Variants in LIN28B observed in about 807,000 individuals in gnomAD.
The protein encoded by LIN28B is lin-28 RNA binding posttranscriptional regulator B.
A neutral mutation model predicts 21.9 loss-of-function variants in LIN28B; 5 were observed. The observed-to-expected ratio is 0.23, with a 90% confidence interval of 0.12 to 0.48. The LOEUF is 0.48. Ranked by LOEUF, LIN28B falls within the 20% of genes least tolerant of loss-of-function variation. The pLI, the probability that LIN28B is intolerant of heterozygous loss-of-function variation, is 0.98. For missense variants in LIN28B, 245 were observed against 310.5 expected, an observed-to-expected ratio of 0.79 and a Z score of 1.58; for synonymous variants, 109 against 111.3, an observed-to-expected ratio of 0.98 and a Z score of 0.13.
upstream of LIN28B, among the ~76,000 whole-genome samples, chr6:104,956,179 T>G (rs909311660): frequency 1.4e-4 from 22 of 152,040 alleles, no homozygotes; most frequent in Non-Finnish European, 2.6e-4. Context: ...ACCTCTTTCT[T>G]TGACTCTGCT....
intron 2 of LIN28B, among the ~76,000 whole-genome samples, chr6:104,977,207 G>T (rs1460879908): frequency 6.6e-6 from 1 of 151,900 alleles, no homozygotes; most frequent in East Asian, 1.9e-4. Flanking sequence ...TAAATTGTTT[G>T]CTTTGTCAAA....
At chr6:105,066,709 C>G (rs532323016) in intron 3 of LIN28B, among the ~76,000 whole-genome samples, 1 of 152,058 alleles carries the variant, frequency 6.6e-6, no homozygotes, top group South Asian at 2.1e-4. Flanking sequence ...ATCTACTTCT[C>G]TAGATAACAA....
chr6:104,995,637 T>C (rs1770582746), intron 2 of LIN28B, among the ~76,000 whole-genome samples: 1 of 152,062 alleles, frequency 6.6e-6, no homozygotes, highest in East Asian at 1.9e-4. Context: ...TACCAGTAAA[T>C]AAGAGGGATT....
At chr6:105,019,606 C>T (rs1001525454) in intron 2 of LIN28B, among the ~76,000 whole-genome samples, 3 of 152,202 alleles carry the variant, frequency 2.0e-5, no homozygotes, top group Admixed American at 6.5e-5. Context: ...TCTTACCCTT[C>T]ATCATACATG....
intron 2 of LIN28B, among the ~76,000 whole-genome samples, chr6:104,985,122 G>A (rs1169812680): frequency 6.6e-6 from 1 of 152,214 alleles, no homozygotes; most frequent in Non-Finnish European, 1.5e-5. Context: ...AACTGTAGGG[G>A]AGGGAACAAA....
At chr6:104,982,866 A>G (rs1172354403) in intron 2 of LIN28B, among the ~76,000 whole-genome samples, 1 of 152,218 alleles carries the variant, frequency 6.6e-6, no homozygotes, top group Non-Finnish European at 1.5e-5. Flanking sequence ...TGTTGTGATC[A>G]TAGCTTGCTG....
intron 2 of LIN28B, among the ~76,000 whole-genome samples, chr6:105,010,906 TC>T (rs1172703182): frequency 1.3e-5 from 2 of 152,192 alleles, no homozygotes; most frequent in African/African-American, 2.4e-5. Flanking sequence ...TTCATTTTTT[TC>T]CTACTATAAG....
At chr6:104,983,263 T>C (rs1770263562) in intron 2 of LIN28B, among the ~76,000 whole-genome samples, 1 of 152,178 alleles carries the variant, frequency 6.6e-6, no homozygotes, top group Admixed American at 6.5e-5. Flanking sequence ...CTGGGTATCT[T>C]AAAAGGAGAG....
In LIN28B at chr6:104,982,698, G is replaced by T. The variant is rs545191041; in HGVS notation, c.198+24412G>T. On this transcript the variant is annotated intron_variant, in intron 2 of 3. Coordinates refer to ENST00000345080, the MANE Select transcript of LIN28B (RefSeq NM_001004317.4). ...AAGTACTGGGAAATTATTGGCTGAC[G>T]GTAATCTGTATATTAATCAATATTA... Among the ~76,000 whole-genome samples the T allele has an allele frequency of 3.3e-5, 5 of 152,082 alleles. No homozygotes were observed. The South Asian group carries it at 1.0e-3, about 32-fold the overall frequency.
intron 3 of LIN28B, among the ~76,000 whole-genome samples, chr6:105,068,584 A>G (rs1195574647): frequency 6.6e-6 from 1 of 152,166 alleles, no homozygotes; most frequent in Non-Finnish European, 1.5e-5. Flanking sequence ...GTTACGCTGA[A>G]TAGTACTGGA....
chr6:104,942,135 T>C (rs1488428630), intron 2 of LIN28B, among the ~76,000 whole-genome samples: 1 of 152,180 alleles, frequency 6.6e-6, no homozygotes, highest in Non-Finnish European at 1.5e-5. Context: ...ATACCTATTA[T>C]TGTTAATGCA....
intron 3 of LIN28B, among the ~76,000 whole-genome samples, chr6:105,062,855 A>T (rs1033028597): frequency 6.6e-6 from 1 of 152,020 alleles, no homozygotes; most frequent in Non-Finnish European, 1.5e-5. Flanking sequence ...CATTGATTAG[A>T]ATGATCAATT....
chr6:104,980,731 C>T (rs1770201257), intron 2 of LIN28B, among the ~76,000 whole-genome samples: 1 of 152,102 alleles, frequency 6.6e-6, no homozygotes, highest in Non-Finnish European at 1.5e-5. Flanking sequence ...GGTGGTCACT[C>T]ATGTATCTTC....
intron 3 of LIN28B, among the ~76,000 whole-genome samples, chr6:105,040,732 AG>A (rs1317461328): frequency 6.6e-6 from 1 of 152,090 alleles, no homozygotes; most frequent in Non-Finnish European, 1.5e-5. Context: ...AAAATTGTCC[AG>A]AGCTTTCTCA....
intron 3 of LIN28B, among the ~76,000 whole-genome samples, chr6:105,059,870 T>G (rs1246440413): frequency 6.6e-6 from 1 of 152,096 alleles, no homozygotes; most frequent in Non-Finnish European, 1.5e-5. Flanking sequence ...TCTTACAATA[T>G]TTTCCCTTTT....
intron 2 of LIN28B, among the ~76,000 whole-genome samples, chr6:105,022,698 C>T (rs956832289): frequency 6.6e-6 from 1 of 151,978 alleles, no homozygotes; most frequent in African/African-American, 2.4e-5. Flanking sequence ...TTATGGCTGG[C>T]TTTGGGGAAA....
intron 2 of LIN28B, among the ~76,000 whole-genome samples, chr6:105,012,450 CAG>C (rs1770944256): frequency 6.6e-6 from 1 of 151,202 alleles, no homozygotes; most frequent in Non-Finnish European, 1.5e-5. Flanking sequence ...GCTTGGGTGA[CAG>C]AGCAAGACTC....
intron 3 of LIN28B, among the ~76,000 whole-genome samples, chr6:105,030,047 T>C (rs1771387635): frequency 6.6e-6 from 1 of 152,220 alleles, no homozygotes; most frequent in African/African-American, 2.4e-5. Context: ...TGTGTCTTAT[T>C]GTAATTAAAG....
intron 3 of LIN28B, among the ~76,000 whole-genome samples, chr6:105,052,581 CT>C (rs1771929671): frequency 6.6e-6 from 1 of 152,118 alleles, no homozygotes; most frequent in Admixed American, 6.5e-5. Flanking sequence ...TTAGGCCCTG[CT>C]TTCCAGTACT....
Sources: allele counts gnomAD v4.1 joint callset (sites outside exome capture counted in the v4.1 genomes callset), GRCh38; gene constraint gnomAD v4.1.1; transcripts MANE v1.5; gene names NCBI Gene and HGNC (gene_info 2026-07-23, HGNC 2026-07-21).